Variants in EPB41L4A observed in about 807,000 individuals in gnomAD.
EPB41L4A encodes erythrocyte membrane protein band 4.1 like 4A, also known as band 4.1-like protein 4A.
EPB41L4A carries 100 observed loss-of-function variants against 108.6 expected under a neutral mutation model. That is an observed-to-expected ratio of 0.92 (90% CI 0.78 to 1.09). EPB41L4A has a LOEUF of 1.09. Ranked by LOEUF, EPB41L4A falls within the 50% of genes least tolerant of loss-of-function variation. The pLI, the probability that EPB41L4A is intolerant of heterozygous loss-of-function variation, is 0.00. For missense variants in EPB41L4A, 1,030 were observed against 842.7 expected (o/e 1.22, Z -2.75); for synonymous variants, 319 against 289.0 (o/e 1.10, Z -1.05).
chr5:112,178,849 T>G (rs761360323), intron 18 of EPB41L4A, among the ~76,000 whole-genome samples: 9 of 148,914 alleles, frequency 6.0e-5, no homozygotes, highest in Non-Finnish European at 7.5e-5. Flanking sequence ...CCTAAGAAGA[T>G]GAAAAAAGAA....
intron 11 of EPB41L4A, among the ~76,000 whole-genome samples, chr5:112,239,281 T>G (rs867506612): frequency 1.3e-5 from 2 of 152,234 alleles, no homozygotes; most frequent in Non-Finnish European, 2.9e-5. Flanking sequence ...ATAAAAAGTA[T>G]AGATTGTATT....
At chr5:112,337,552 C>A (rs143010702) in intron 1 of EPB41L4A, among the ~76,000 whole-genome samples, 1 of 152,076 alleles carries the variant, frequency 6.6e-6, no homozygotes, top group Non-Finnish European at 1.5e-5. Flanking sequence ...GACAAAAGGA[C>A]GGAGGCTCAG....
intron 12 of EPB41L4A, among the ~76,000 whole-genome samples, chr5:112,156,453 G>A (rs1305144079): frequency 6.6e-6 from 1 of 151,950 alleles, no homozygotes; most frequent in Admixed American, 6.5e-5. Context: ...TAACGTTCCA[G>A]CTGATAGAGT....
At chr5:112,242,193 T>C (rs1749841352) in intron 9 of EPB41L4A, among the ~76,000 whole-genome samples, 1 of 152,248 alleles carries the variant, frequency 6.6e-6, no homozygotes, top group African/African-American at 2.4e-5. Flanking sequence ...GTGATATTGT[T>C]TGATAGCATT....
rs559643736 is a variant in EPB41L4A at position 112,266,304 on chromosome 5, T to C, written c.362A>G (p.Gln121Arg). ...GGGCAGACGGCCCTGAAGGACATCT[T>C]GCTTCACCTGCAAGAAAAACTGATA... is the stretch of plus-strand genomic sequence containing the variant. Reference protein sequence around the residue: ...TRYQFFLQVKQDVLQGRLPCP... With the variant: ...TRYQFFLQVKRDVLQGRLPCP... The change falls in exon 5 of 23, where the codon CAA becomes CGA. Residue 121 changes from glutamine (Q) to arginine (R), a missense_variant. Gln to Arg is a conservative substitution (Grantham distance 43). Transcript: ENST00000261486. 5 of 1,606,736 alleles carry C rather than the reference T, an allele frequency of 3.1e-6. No individual in the cohort carries two copies. In the Admixed American group the frequency reaches 8.5e-5, roughly 27 times the overall value.
At chr5:112,259,453 A>G (rs1751343022) in intron 8 of EPB41L4A, among the ~76,000 whole-genome samples, 161 bp from the exon 9 acceptor site, 1 of 152,186 alleles carries the variant, frequency 6.6e-6, no homozygotes, top group African/African-American at 2.4e-5. Flanking sequence ...CATACACTCT[A>G]ATGAAAACTC....
chr5:112,418,599 C>T (rs1762860340), intron 1 of EPB41L4A, among the ~76,000 whole-genome samples: 1 of 152,174 alleles, frequency 6.6e-6, no homozygotes, highest in East Asian at 1.9e-4. Context: ...ACTGGTGGGA[C>T]GCAGCTGGTA....
At chr5:112,205,343 G>C (rs1045769203) in intron 14 of EPB41L4A, 78 bp downstream of exon 14, 5 of 1,214,162 alleles carry the variant, frequency 4.1e-6, no homozygotes, top group Non-Finnish European at 6.1e-6. Context: ...CCCAGCAGCT[G>C]GATTCCTTTA....
chr5:112,391,742 C>T (rs538162231), intron 1 of EPB41L4A, among the ~76,000 whole-genome samples: 41 of 152,202 alleles, frequency 2.7e-4, no homozygotes, highest in African/African-American at 9.1e-4. Flanking sequence ...ACCATAGATA[C>T]TCCTCAAGAA....
chr5:112,218,112 G>A (rs1000736954), intron 12 of EPB41L4A, among the ~76,000 whole-genome samples: 1 of 152,200 alleles, frequency 6.6e-6, no homozygotes, highest in Non-Finnish European at 1.5e-5. Flanking sequence ...CTCCTTGTGG[G>A]TCAGAATGCC....
At chr5:112,410,985 G>A (rs937796179) in intron 1 of EPB41L4A, among the ~76,000 whole-genome samples, 2 of 152,292 alleles carry the variant, frequency 1.3e-5, no homozygotes, top group South Asian at 2.1e-4. Flanking sequence ...GACCCGCCCT[G>A]AACCTCCTTT....
At chr5:112,159,545 C>T (rs1381561501), downstream of EPB41L4A, among the ~76,000 whole-genome samples, 14 of 152,176 alleles carry the variant, frequency 9.2e-5, no homozygotes, top group Non-Finnish European at 1.0e-4. Context: ...GTGACAAGAC[C>T]CTAAGTGCCT....
chr5:112,397,782 C>A (rs1207338802), intron 1 of EPB41L4A, among the ~76,000 whole-genome samples: 1 of 152,092 alleles, frequency 6.6e-6, no homozygotes, highest in Non-Finnish European at 1.5e-5. Flanking sequence ...TATTATTCCC[C>A]ATTTTTTATA....
Position 112,168,675 on chromosome 5 carries a change from G to C in EPB41L4A, c.1932+64C>G, listed in dbSNP as rs1259693658. 5 of 1,348,034 alleles carry C rather than the reference G, an allele frequency of 3.7e-6. No individual in the cohort carries two copies. The East Asian group carries it at 1.2e-4, about 31-fold the overall frequency. 83.5% of individuals were successfully genotyped at this position (1,348,034 alleles called of 1,614,324 possible). On this transcript the variant is annotated intron_variant, in intron 22 of 22. Coordinates refer to ENST00000261486, the MANE Select transcript of EPB41L4A (RefSeq NM_022140.5). ...TACCTCCCTAAAGGAACTTTCCAAA[G>C]CACAAAATGCTTCTCAAAATTGTCA...
chr5:112,307,517 T>G, intron 1 of EPB41L4A, 27 bp from the exon 2 acceptor site: 1 of 1,505,544 alleles, frequency 6.6e-7, no homozygotes, highest in Non-Finnish European at 9.2e-7. Flanking sequence ...GTTTTATATT[T>G]TTTAACTGCC....
At chr5:112,412,064 C>T (rs1167574366) in intron 1 of EPB41L4A, among the ~76,000 whole-genome samples, 1 of 152,218 alleles carries the variant, frequency 6.6e-6, no homozygotes, top group Non-Finnish European at 1.5e-5. Context: ...TTCCCGAGGG[C>T]TCAGAAGGTG....
At chr5:112,212,429 A>G (rs1747245830) in intron 12 of EPB41L4A, among the ~76,000 whole-genome samples, 1 of 151,748 alleles carries the variant, frequency 6.6e-6, no homozygotes, top group African/African-American at 2.4e-5. Context: ...AGTAGCTGGG[A>G]TTACAGGCGC....
chr5:112,161,174 C>T (rs1580340278), downstream of EPB41L4A: 1 of 219,230 alleles, frequency 4.6e-6, no homozygotes, highest in African/African-American at 2.3e-5. Context: ...AGTGAAAAGG[C>T]CTTACCGTAT....
chr5:112,161,417 G>A (rs970078804), downstream of EPB41L4A: 1 of 452,864 alleles, frequency 2.2e-6, no homozygotes, highest in Non-Finnish European at 4.4e-6. Flanking sequence ...TCCGTTTTTA[G>A]GCTGTAATCG....
Sources: allele counts gnomAD v4.1 joint callset (sites outside exome capture counted in the v4.1 genomes callset), GRCh38; gene constraint gnomAD v4.1.1; transcripts MANE v1.5; gene names NCBI Gene and HGNC (gene_info 2026-07-23, HGNC 2026-07-21).